The following NTN1 variants were observed in gnomAD, a reference collection of about 807,000 sequenced individuals.
The protein encoded by NTN1 is netrin-1.
In NTN1, 11 loss-of-function variants were observed where a neutral mutation model predicts 54.2. The observed-to-expected ratio is 0.20, with a 90% confidence interval of 0.13 to 0.34. The LOEUF (loss-of-function observed/expected upper bound fraction) is 0.34, where lower values mean the gene tolerates loss of function less well. NTN1 is among the 10% of genes least tolerant of loss of function. NTN1 has a pLI of 1.00. For synonymous variants in NTN1, 371 were observed against 382.0 expected, an observed-to-expected ratio of 0.97 and a Z score of 0.33; for missense variants, 740 against 893.1, an observed-to-expected ratio of 0.83 and a Z score of 2.18.
intron 2 of NTN1, among the ~76,000 whole-genome samples, chr17:9,076,083 G>T (rs574269189): frequency 6.6e-6 from 1 of 152,328 alleles, no homozygotes; most frequent in East Asian, 1.9e-4. Flanking sequence ...TGGTCCCTCA[G>T]CTGACTGTGC....
chr17:9,209,645 C>T (rs1027451818), intron 5 of NTN1, among the ~76,000 whole-genome samples: 2 of 152,164 alleles, frequency 1.3e-5, no homozygotes, highest in African/African-American at 2.4e-5. Context: ...CCCTGGGCAG[C>T]ACTTGGTGGG....
chr17:9,052,676 C>T (rs2091964971), intron 2 of NTN1, among the ~76,000 whole-genome samples: 1 of 152,160 alleles, frequency 6.6e-6, no homozygotes, highest in Non-Finnish European at 1.5e-5. Context: ...TATGCAGGAG[C>T]CTGAGGTAGG....
chr17:9,093,500 C>T (rs146240045), intron 2 of NTN1, among the ~76,000 whole-genome samples: 12 of 152,268 alleles, frequency 7.9e-5, no homozygotes, highest in Admixed American at 7.2e-4. Context: ...GTAGTTGAGA[C>T]CACAGACAAG....
intron 6 of NTN1, among the ~76,000 whole-genome samples, chr17:9,235,542 C>G (rs1002205161): frequency 1.3e-5 from 2 of 152,114 alleles, no homozygotes; most frequent in Non-Finnish European, 2.9e-5. Flanking sequence ...CAACAAAACC[C>G]CTTAGATTGG....
chr17:9,108,813 A>C (rs111954450), intron 2 of NTN1, among the ~76,000 whole-genome samples: 4,665 of 152,274 alleles, frequency 0.031, 259 homozygotes, highest in African/African-American at 0.11. Flanking sequence ...AAGTTACAGT[A>C]TTCTCCTTCA....
intron 2 of NTN1, among the ~76,000 whole-genome samples, chr17:9,115,379 C>A (rs1236701647): frequency 6.6e-6 from 1 of 152,196 alleles, no homozygotes; most frequent in Non-Finnish European, 1.5e-5. Flanking sequence ...TGCATGTGTT[C>A]CCCAGGGTCT....
intron 5 of NTN1, among the ~76,000 whole-genome samples, chr17:9,220,126 C>A (rs184553595): frequency 6.6e-6 from 1 of 152,240 alleles, no homozygotes; most frequent in Non-Finnish European, 1.5e-5. Context: ...TATCGCCTAA[C>A]CAAGAGTGCA....
chr17:9,071,534 A>G (rs1290591142), intron 2 of NTN1, among the ~76,000 whole-genome samples: 1 of 152,186 alleles, frequency 6.6e-6, no homozygotes, highest in African/African-American at 2.4e-5. Flanking sequence ...ATGTACTAAA[A>G]TGAATTATAG....
chr17:9,135,016 C>T lies in NTN1; in HGVS notation c.1019-27797C>T, dbSNP rs2092276742. On this transcript the variant is annotated intron_variant, in intron 2 of 6. Transcript: ENST00000173229. The surrounding 1 kb of genome is among the most constrained non-coding windows in gnomAD (Gnocchi z 4.4). Reference sequence around the variant, plus strand: ...CTGAATGGACACCCCCATTGTCATGCAGCTGACACCTCCAACCCCCATACC... The same window carrying T: ...CTGAATGGACACCCCCATTGTCATGTAGCTGACACCTCCAACCCCCATACC... 6.6e-6 allele frequency among the ~76,000 whole-genome samples: 1 copy of T among 152,124 alleles called. No individual in the cohort carries two copies. Among genetic ancestry groups the T allele is most frequent in the African/African-American group, 2.4e-5 (1 of 41,398 alleles).
chr17:9,130,119 A>G (rs1263134373), intron 2 of NTN1, among the ~76,000 whole-genome samples: 1 of 152,122 alleles, frequency 6.6e-6, no homozygotes, highest in Non-Finnish European at 1.5e-5. Flanking sequence ...GGGTCAGGGT[A>G]GTCAGTGGCT....
chr17:9,145,252 G>A (rs2092310184), intron 2 of NTN1, among the ~76,000 whole-genome samples: 1 of 152,182 alleles, frequency 6.6e-6, no homozygotes, highest in Admixed American at 6.5e-5. Context: ...GTTCACATGT[G>A]GGTTCCCTCC....
chr17:9,089,001 G>A (rs762015694), intron 2 of NTN1, among the ~76,000 whole-genome samples: 2 of 152,162 alleles, frequency 1.3e-5, no homozygotes, highest in East Asian at 1.9e-4. Context: ...GTCCGCCATC[G>A]GAGTGCTGGT....
chr17:9,075,434 A>G (rs1405504899), intron 2 of NTN1, among the ~76,000 whole-genome samples: 1 of 152,180 alleles, frequency 6.6e-6, no homozygotes, highest in Non-Finnish European at 1.5e-5. Flanking sequence ...GTGAGCCAAG[A>G]TCACGCCACT....
At chr17:9,179,562 C>G (rs1006864193) in intron 3 of NTN1, among the ~76,000 whole-genome samples, 1 of 152,240 alleles carries the variant, frequency 6.6e-6, no homozygotes, top group African/African-American at 2.4e-5. Context: ...CTGCATTTCA[C>G]TTTCCTGCTG....
chr17:9,213,964 G>A (rs1905164167), intron 5 of NTN1, among the ~76,000 whole-genome samples: 4 of 150,132 alleles, frequency 2.7e-5, no homozygotes, highest in African/African-American at 7.3e-5. Context: ...TTAAAGTTCC[G>A]TTTTCTTTCT....
chr17:9,081,112 C>G (rs2103190), intron 2 of NTN1, among the ~76,000 whole-genome samples: 139,025 of 152,224 alleles, frequency 0.91, 63,622 homozygotes, highest in East Asian at 1. Flanking sequence ...CAGTCTTATG[C>G]GACTGAGCCC....
chr17:9,239,275 C>G lies in NTN1; in HGVS notation c.1487-365C>G, dbSNP rs546486422. Among the ~76,000 whole-genome samples, 3 of 152,310 alleles carry G rather than the reference C, an allele frequency of 2.0e-5. No individual in the cohort carries two copies. Among genetic ancestry groups the G allele is most frequent in the Non-Finnish European group, 4.4e-5 (3 of 68,020 alleles). On this transcript the variant is annotated intron_variant, in intron 6 of 6. Coordinates refer to ENST00000173229, the MANE Select transcript of NTN1 (RefSeq NM_004822.3). This position sits in a 1 kb window ranked among gnomAD's most constrained non-coding sequence, Gnocchi z 5.2. ...GCGCACCCCTGAGGAACCTCCCTCT[C>G]CCCGCCAGCACTGCTCTCACCCGAG...
chr17:9,239,450 G>T lies in NTN1; in HGVS notation c.1487-190G>T, dbSNP rs575216131. Among the ~76,000 whole-genome samples, 1 of 152,290 alleles carries T rather than the reference G, an allele frequency of 6.6e-6. No individual in the cohort carries two copies. Among genetic ancestry groups the T allele is most frequent in the Admixed American group, 6.5e-5 (1 of 15,308 alleles). ...GCACCCTCACAGCGTGGGAGGCAAG[G>T]CTTCTTGGCCCTGTTGTTAGCAGGT... On this transcript the variant is annotated intron_variant, in intron 6 of 6. Coordinates refer to ENST00000173229, the MANE Select transcript of NTN1 (RefSeq NM_004822.3). The surrounding 1 kb of genome is among the most constrained non-coding windows in gnomAD (Gnocchi z 5.2).
At chr17:9,187,921 G>T (rs2092438705) in intron 5 of NTN1, among the ~76,000 whole-genome samples, 2 of 152,148 alleles carry the variant, frequency 1.3e-5, no homozygotes, top group African/African-American at 2.4e-5. Context: ...AGACCCAAAG[G>T]CTGCATATCA....
Sources: gnomAD v4.1 joint callset for allele counts (sites outside exome capture counted in the v4.1 genomes callset) on GRCh38, gnomAD v4.1.1 for gene constraint, Gnocchi (gnomAD v3.1) non-coding constraint, MANE v1.5 for transcripts, NCBI Gene and HGNC (gene_info 2026-07-23, HGNC 2026-07-21) for gene names.